The following EPS8 variants were observed in gnomAD, a reference collection of about 807,000 sequenced individuals.
EPS8 encodes the protein epidermal growth factor receptor kinase substrate 8.
EPS8 carries 42 observed loss-of-function variants against 103.8 expected under a neutral mutation model. The ratio of observed to expected loss-of-function variants is 0.40; its 90% confidence interval spans 0.32 to 0.52. EPS8 has a LOEUF of 0.52. EPS8 is among the 20% of genes least tolerant of loss of function. EPS8 has a pLI of 0.40. For missense variants in EPS8, 969 were observed against 1,005.1 expected, an observed-to-expected ratio of 0.96 and a Z score of 0.49; for synonymous variants, 344 against 344.6, an observed-to-expected ratio of 1.00 and a Z score of 0.02.
rs1027042112 is a variant in EPS8, at chr12:15,701,761, T to C, written c.-21-18789A>G. 4.6e-5 allele frequency among the ~76,000 whole-genome samples: 7 copies of C among 152,134 alleles called. No homozygotes were observed. Among genetic ancestry groups the C allele is most frequent in the African/African-American group, 1.2e-4 (5 of 41,434 alleles). On this transcript the variant is annotated intron_variant, in intron 1 of 20. Transcript: ENST00000281172. The surrounding 1 kb of genome is among the most constrained non-coding windows in gnomAD (Gnocchi z 5.1). Reference sequence around the variant, plus strand: ...ACATTGGAAATATCTCACAGACCTATAAAAACACCAAAATGATACTGCCCT... The same window carrying C: ...ACATTGGAAATATCTCACAGACCTACAAAAACACCAAAATGATACTGCCCT...
In EPS8 at chr12:15,734,448, A is replaced by C. The variant is rs1211900368; in HGVS notation, c.-21-51476T>G. ...GGTGGCTCACACCTGTAATCCCAGCACTTTGGGAGGCTGAGGCGGGTGGAT... is the reference window on the plus strand; with the variant it reads ...GGTGGCTCACACCTGTAATCCCAGCCCTTTGGGAGGCTGAGGCGGGTGGAT... On this transcript the variant is annotated intron_variant, in intron 1 of 20. Transcript: ENST00000281172. The surrounding 1 kb of genome is among the most constrained non-coding windows in gnomAD (Gnocchi z 4.1). Among the ~76,000 whole-genome samples the C allele has an allele frequency of 6.6e-6, 1 of 152,148 alleles. No homozygotes were observed. The highest frequency in any genetic ancestry group is 2.4e-5 in the African/African-American group (1 of 41,442).
chr12:15,754,533 G>T (rs889280351), intron 1 of EPS8, among the ~76,000 whole-genome samples: 1 of 152,142 alleles, frequency 6.6e-6, no homozygotes, highest in Non-Finnish European at 1.5e-5. Context: ...AGGAATAAGT[G>T]AATAGCTATT....
chr12:15,780,750 G>A lies in EPS8; in HGVS notation c.-22+8411C>T, dbSNP rs1947253216. On this transcript the variant is annotated intron_variant, in intron 1 of 20. Transcript: ENST00000281172. The surrounding 1 kb of genome is among the most constrained non-coding windows in gnomAD (Gnocchi z 4.1). The stretch of plus-strand genomic sequence containing the variant: ...TCTGACAACAAAAGGCAGAGATCCT[G>A]TCTTACTCATCTTTGTATTCCTGGT... The A allele has an allele frequency of 6.6e-6, 1 of 152,188 alleles. No individual in the cohort carries two copies. Among genetic ancestry groups the A allele is most frequent in the South Asian group, 2.1e-4 (1 of 4,824 alleles). The allele number at this position is 152,188 out of a possible 1,614,324, so 9.4% of individuals were successfully genotyped here. A position where few individuals can be genotyped will look rare whatever the true frequency, so the allele number is the denominator to read the frequency against.
At chr12:15,659,507 C>T (rs1253118820) in intron 10 of EPS8, among the ~76,000 whole-genome samples, 1 of 152,210 alleles carries the variant, frequency 6.6e-6, no homozygotes, top group African/African-American at 2.4e-5. Context: ...GGATAGTATA[C>T]CTTTCATAGA....
At position 15,721,319 on chromosome 12, in the gene EPS8, A is replaced by G. The variant is rs1254056589; in HGVS notation, c.-21-38347T>C. Among the ~76,000 whole-genome samples, 2 of 152,330 alleles carry G rather than the reference A, an allele frequency of 1.3e-5. No individual in the cohort carries two copies. Among genetic ancestry groups the G allele is most frequent in the African/African-American group, 4.8e-5 (2 of 41,578 alleles). Reference sequence around the variant, plus strand: ...CAAAAATAAACCTAACACACACCAAATAGATTTTTTAATTGACAAATAAAA... The same window carrying G: ...CAAAAATAAACCTAACACACACCAAGTAGATTTTTTAATTGACAAATAAAA... On this transcript the variant is annotated intron_variant, in intron 1 of 20. Transcript: ENST00000281172. The surrounding 1 kb of genome is among the most constrained non-coding windows in gnomAD (Gnocchi z 4.4).
chr12:15,703,847 GTTTTT>G (rs58735135), intron 1 of EPS8, among the ~76,000 whole-genome samples: 23 of 61,244 alleles, frequency 3.8e-4, no homozygotes, highest in African/African-American at 1.2e-3. Flanking sequence ...CTATGTATTT[GTTTTT>G]TTTTTTTTTT....
In EPS8 at chr12:15,713,394, C is replaced by T. The variant is rs943114489; in HGVS notation, c.-21-30422G>A. On this transcript the variant is annotated intron_variant, in intron 1 of 20. Coordinates refer to ENST00000281172, the MANE Select transcript of EPS8 (RefSeq NM_004447.6). The surrounding 1 kb of genome is among the most constrained non-coding windows in gnomAD (Gnocchi z 4.8). ...CTTTACTTGCAATAAAGATAATTCC[C>T]TGATGCTAAACCAAAGCCAGAACTG... is the stretch of plus-strand genomic sequence containing the variant. The T allele has an allele frequency of 1.3e-5, 2 of 152,166 alleles. No homozygotes were observed. The highest frequency in any genetic ancestry group is 4.8e-5 in the African/African-American group (2 of 41,444). The allele number at this position is 152,166 out of a possible 1,614,324, so 9.4% of individuals were successfully genotyped here. A position where few individuals can be genotyped will look rare whatever the true frequency, so the allele number is the denominator to read the frequency against.
Position 15,717,640 on chromosome 12 carries a change from T to C in EPS8, c.-21-34668A>G, listed in dbSNP as rs1245177772. Among the ~76,000 whole-genome samples the C allele has an allele frequency of 5.9e-5, 9 of 152,180 alleles. No homozygotes were observed. Among genetic ancestry groups the C allele is most frequent in the African/African-American group, 1.9e-4 (8 of 41,518 alleles). Reference sequence around the variant, plus strand: ...GAAATGAAATGGACACTTCTTGGCATGAATAAATATAAATAGCAGGACCAA... The same window carrying C: ...GAAATGAAATGGACACTTCTTGGCACGAATAAATATAAATAGCAGGACCAA... On this transcript the variant is annotated intron_variant, in intron 1 of 20. Transcript: ENST00000281172. This position sits in a 1 kb window ranked among gnomAD's most constrained non-coding sequence, Gnocchi z 4.3.
intron 6 of EPS8, among the ~76,000 whole-genome samples, chr12:15,666,980 G>A (rs1306924575): frequency 6.6e-6 from 1 of 152,098 alleles, no homozygotes; most frequent in African/African-American, 2.4e-5. Flanking sequence ...AAACTCCAAC[G>A]CTAGGTTTTA....
chr12:15,648,922 G>A (rs975051070), intron 14 of EPS8, among the ~76,000 whole-genome samples: 1 of 152,152 alleles, frequency 6.6e-6, no homozygotes, highest in African/African-American at 2.4e-5. Context: ...AATTACCCAA[G>A]TCTTGTTGTA....
At position 15,777,271 on chromosome 12, in the gene EPS8, G is replaced by GA. The variant is rs1162270867; in HGVS notation, c.-22+11889dup. On this transcript the variant is annotated intron_variant, in intron 1 of 20. Transcript: ENST00000281172. This position sits in a 1 kb window ranked among gnomAD's most constrained non-coding sequence, Gnocchi z 4.7. Reference sequence around the variant, plus strand: ...ATAAGGGGTACTTACAAAGCAGAATGAAAAAAAACACACACACACACACAA... The same window carrying GA: ...ATAAGGGGTACTTACAAAGCAGAATGAAAAAAAAACACACACACACACACAA... 5.3e-5 allele frequency among the ~76,000 whole-genome samples: 8 copies of GA among 150,022 alleles called. No individual in the cohort carries two copies. The East Asian group carries it at 1.4e-3, about 26-fold the overall frequency.
intron 1 of EPS8, among the ~76,000 whole-genome samples, chr12:15,732,441 ACACTATCT>A (rs1946727178): frequency 6.6e-6 from 1 of 152,178 alleles, no homozygotes; most frequent in African/African-American, 2.4e-5. Context: ...CATTTTATAT[ACACTATCT>A]CATTTAATCC....
rs566293366 is a variant in EPS8, at chr12:15,696,534, G to A, written c.-21-13562C>T. Among the ~76,000 whole-genome samples, 8 of 152,088 alleles carry A rather than the reference G, an allele frequency of 5.3e-5. No homozygotes were observed. The East Asian group carries it at 7.7e-4, about 15-fold the overall frequency. Reference sequence around the variant, plus strand: ...CATATACCTGTAATCCCAGCTACTCGGGAGGCTAAGGCAGAAGAATTGCTT... The same window carrying A: ...CATATACCTGTAATCCCAGCTACTCAGGAGGCTAAGGCAGAAGAATTGCTT... On this transcript the variant is annotated intron_variant, in intron 1 of 20. Coordinates refer to ENST00000281172, the MANE Select transcript of EPS8 (RefSeq NM_004447.6). This position sits in a 1 kb window ranked among gnomAD's most constrained non-coding sequence, Gnocchi z 4.8.
chr12:15,696,235 T>G lies in EPS8; in HGVS notation c.-21-13263A>C, dbSNP rs568807346. On this transcript the variant is annotated intron_variant, in intron 1 of 20. Coordinates refer to ENST00000281172, the MANE Select transcript of EPS8 (RefSeq NM_004447.6). The surrounding 1 kb of genome is among the most constrained non-coding windows in gnomAD (Gnocchi z 4.8). ...AATGAGAATGCTATTATTTATTATA[T>G]TTCAGGTAGCAGTTTGAACATAAGC... 1.3e-5 allele frequency among the ~76,000 whole-genome samples: 2 copies of G among 152,344 alleles called. No individual in the cohort carries two copies. The highest frequency in any genetic ancestry group is 2.9e-5 in the Non-Finnish European group (2 of 68,034).
In EPS8 at chr12:15,738,628, C is replaced by A. The variant is rs1256324034; in HGVS notation, c.-22+50533G>T. Among the ~76,000 whole-genome samples the A allele has an allele frequency of 6.6e-6, 1 of 152,108 alleles. No homozygotes were observed. Among genetic ancestry groups the A allele is most frequent in the Non-Finnish European group, 1.5e-5 (1 of 68,012 alleles). ...CCCTAGGGCATTCTGCATTATTATG[C>A]CCTAGGGCATTTTAAGTACCTTAAA... On this transcript the variant is annotated intron_variant, in intron 1 of 20. Coordinates refer to ENST00000281172, the MANE Select transcript of EPS8 (RefSeq NM_004447.6). The surrounding 1 kb of genome is among the most constrained non-coding windows in gnomAD (Gnocchi z 6.2).
At chr12:15,756,222 C>T (rs1946984974) in intron 1 of EPS8, among the ~76,000 whole-genome samples, 1 of 152,164 alleles carries the variant, frequency 6.6e-6, no homozygotes, top group Non-Finnish European at 1.5e-5. Flanking sequence ...AATTAAGTAT[C>T]ATGAGTCTGA....
intron 1 of EPS8, among the ~76,000 whole-genome samples, chr12:15,689,466 A>T (rs1411580311): frequency 1.3e-5 from 2 of 152,246 alleles, no homozygotes; most frequent in Non-Finnish European, 2.9e-5. Context: ...ATGGAAAAAC[A>T]TACTCTAAAA....
rs1359040604 is a variant in EPS8 at position 15,784,183 on chromosome 12, G to T, written c.-22+4978C>A. Among the ~76,000 whole-genome samples, 1 of 152,090 alleles carries T rather than the reference G, an allele frequency of 6.6e-6. No homozygotes were observed. Among genetic ancestry groups the T allele is most frequent in the Non-Finnish European group, 1.5e-5 (1 of 67,966 alleles). Reference sequence around the variant, plus strand: ...AATTAAAGACATCTGTTCTGACAAAGACACTGTTAGGAAAATAAAAAGACA... The same window carrying T: ...AATTAAAGACATCTGTTCTGACAAATACACTGTTAGGAAAATAAAAAGACA... On this transcript the variant is annotated intron_variant, in intron 1 of 20. Transcript: ENST00000281172. This position sits in a 1 kb window ranked among gnomAD's most constrained non-coding sequence, Gnocchi z 4.0.
At chr12:15,638,174 G>A (rs534101984) in intron 17 of EPS8, among the ~76,000 whole-genome samples, 131 of 152,100 alleles carry the variant, frequency 8.6e-4, no homozygotes, top group Admixed American at 1.6e-3. Flanking sequence ...TACTGTTGTA[G>A]AGATATGAAA....
Sources: gnomAD v4.1 joint callset for allele counts (sites outside exome capture counted in the v4.1 genomes callset) on GRCh38, gnomAD v4.1.1 for gene constraint, Gnocchi (gnomAD v3.1) non-coding constraint, MANE v1.5 for transcripts, NCBI Gene and HGNC (gene_info 2026-07-23, HGNC 2026-07-21) for gene names.